PCDH15: variants seen among roughly 807,000 people sequenced by gnomAD.
The protein encoded by PCDH15 is protocadherin-15.
PCDH15 carries 129 observed loss-of-function variants against 178.5 expected under a neutral mutation model. The ratio of observed to expected loss-of-function variants is 0.72; its 90% CI spans 0.63 to 0.84. The LOEUF (loss-of-function observed/expected upper bound fraction) is 0.84. Ranked by LOEUF, PCDH15 falls within the 40% of genes least tolerant of loss-of-function variation. The pLI, the probability that PCDH15 is intolerant of heterozygous loss-of-function variation, is 0.00. For missense variants in PCDH15, 2,230 were observed against 2,099.9 expected (o/e 1.06, Z -1.21); for synonymous variants, 800 against 732.0 (o/e 1.09, Z -1.50).
At chr10:54,429,841 AATATT>A (rs1956752241) in intron 3 of PCDH15, among the ~76,000 whole-genome samples, 1 of 152,132 alleles carries the variant, frequency 6.6e-6, no homozygotes, top group Non-Finnish European at 1.5e-5. Context: ...ATACCAAGCA[AATATT>A]ATTAGCGATA....
chr10:54,128,014 G>C (rs2042121732), intron 15 of PCDH15, among the ~76,000 whole-genome samples: 1 of 152,124 alleles, frequency 6.6e-6, no homozygotes, highest in Non-Finnish European at 1.5e-5. Context: ...ACATGTTCTT[G>C]TCTTTTTTCC....
chr10:55,216,263 T>C (rs1205090883), intron 1 of PCDH15, among the ~76,000 whole-genome samples: 1 of 152,016 alleles, frequency 6.6e-6, no homozygotes, highest in Non-Finnish European at 1.5e-5. Context: ...AATAACTAAA[T>C]GTGTGGTGGT....
intron 2 of PCDH15, among the ~76,000 whole-genome samples, chr10:54,542,819 C>T (rs1331606822): frequency 6.6e-6 from 1 of 152,112 alleles, no homozygotes; most frequent in Non-Finnish European, 1.5e-5. Context: ...TGAAGACTGG[C>T]GCTCCTGCTT....
chr10:53,812,909 C>T, intron 35 of PCDH15, among the ~76,000 whole-genome samples: 1 of 152,114 alleles, frequency 6.6e-6, no homozygotes, highest in East Asian at 1.9e-4. Context: ...AAAAAGCCCT[C>T]CTCTGAGGGC....
chr10:53,988,802 G>A lies in PCDH15; in HGVS notation c.2868+6847C>T, dbSNP rs546427522. The stretch of plus-strand genomic sequence containing the variant: ...TTGTTTAAAGTATGTTGGGACCCAG[G>A]TCCTGTGAGGTATATTCTTATTCCC... On this transcript the variant is annotated intron_variant, in intron 21 of 37. Transcript: ENST00000644397. Among the ~76,000 whole-genome samples, 42 of 151,914 alleles carry A rather than the reference G, an allele frequency of 2.8e-4. No individual in the cohort carries two copies. In the East Asian group the frequency reaches 6.8e-3, roughly 24 times the overall value.
chr10:53,874,651 T>G (rs369353627), intron 26 of PCDH15, among the ~76,000 whole-genome samples: 4 of 152,048 alleles, frequency 2.6e-5, no homozygotes, highest in African/African-American at 7.2e-5. Flanking sequence ...ATGCCTAAAA[T>G]AATTCTAACA....
intron 21 of PCDH15, among the ~76,000 whole-genome samples, chr10:53,964,900 G>T (rs559419198): frequency 6.6e-6 from 1 of 152,196 alleles, no homozygotes; most frequent in Admixed American, 6.5e-5. Flanking sequence ...GGGGCACAGT[G>T]TCATGCAATG....
At chr10:55,078,128 T>C (rs1174748373) in intron 2 of PCDH15, among the ~76,000 whole-genome samples, 1 of 152,194 alleles carries the variant, frequency 6.6e-6, no homozygotes, top group Non-Finnish European at 1.5e-5. Context: ...TTCAGCACTT[T>C]GAATATATTA....
upstream of PCDH15, among the ~76,000 whole-genome samples, chr10:54,804,015 A>G (rs1449183348): frequency 6.6e-6 from 1 of 152,192 alleles, no homozygotes; most frequent in Non-Finnish European, 1.5e-5. Context: ...AAAAGTGGTA[A>G]TAAACAAAAT....
intron 2 of PCDH15, among the ~76,000 whole-genome samples, chr10:54,545,758 T>C (rs1414645160): frequency 2.0e-5 from 3 of 152,240 alleles, no homozygotes; most frequent in African/African-American, 7.2e-5. Flanking sequence ...TAAATCATTA[T>C]GATTTAAACA....
intron 2 of PCDH15, among the ~76,000 whole-genome samples, chr10:55,054,644 A>G (rs1841251914): frequency 6.6e-6 from 1 of 151,284 alleles, no homozygotes; most frequent in Non-Finnish European, 1.5e-5. Context: ...CACTCCCACC[A>G]ACAGTATAAG....
intron 2 of PCDH15, among the ~76,000 whole-genome samples, chr10:55,479,601 AG>A (rs1290572228): frequency 1.3e-5 from 2 of 151,662 alleles, no homozygotes; most frequent in African/African-American, 4.8e-5. Context: ...TCTGAAATCT[AG>A]ACTAAGCCAA....
chr10:54,577,286 G>T (rs1211104001), intron 2 of PCDH15, among the ~76,000 whole-genome samples: 1 of 150,928 alleles, frequency 6.6e-6, no homozygotes, highest in Non-Finnish European at 1.5e-5. Flanking sequence ...TAGAGACGGG[G>T]TTTCACCATA....
chr10:54,436,605 C>A (rs573140972), intron 3 of PCDH15, among the ~76,000 whole-genome samples: 1 of 150,584 alleles, frequency 6.6e-6, no homozygotes, highest in African/African-American at 2.5e-5. Flanking sequence ...GAAATTTGTT[C>A]ATTTAATTGA....
intron 1 of PCDH15, among the ~76,000 whole-genome samples, chr10:54,763,249 C>T (rs970854327): frequency 6.6e-6 from 1 of 152,070 alleles, no homozygotes; most frequent in African/African-American, 2.4e-5. Flanking sequence ...AATATTGGTG[C>T]ACTACAACAG....
rs539290968 is a variant in PCDH15 at position 54,114,991 on chromosome 10, AGTATTATTCT to A, written c.1917+17874_1917+17883del. 4.5e-3 allele frequency among the ~76,000 whole-genome samples: 692 copies of A among 152,302 alleles called. 1 individual carries two copies. The highest frequency in any genetic ancestry group is 6.4e-3 in the Non-Finnish European group (437 of 68,028). On this transcript the variant is annotated intron_variant, in intron 15 of 37. Coordinates refer to ENST00000644397, the MANE Select transcript of PCDH15 (RefSeq NM_001384140.1). Reference sequence around the variant, plus strand: ...GTCATTTTAGGTAATTTTTTTAAAAAGTATTATTCTGTTGCCTGCAACTGACCACAAAAGG... The same window carrying A: ...GTCATTTTAGGTAATTTTTTTAAAAAGTTGCCTGCAACTGACCACAAAAGG...
intron 2 of PCDH15, among the ~76,000 whole-genome samples, chr10:55,061,001 C>T (rs1482480123): frequency 6.6e-6 from 1 of 151,846 alleles, no homozygotes; most frequent in African/African-American, 2.4e-5. Context: ...GAGAAATTCT[C>T]GATAACTTTG....
chr10:54,223,203 G>C (rs886974658), intron 9 of PCDH15, among the ~76,000 whole-genome samples: 1 of 150,736 alleles, frequency 6.6e-6, no homozygotes, highest in South Asian at 2.1e-4. Context: ...CTAGGTACTC[G>C]AGAGGCTGAG....
rs150768504 is a variant in PCDH15, at chr10:54,234,453, T to C, written c.985+2370A>G. On this transcript the variant is annotated intron_variant, in intron 9 of 37. Coordinates refer to ENST00000644397, the MANE Select transcript of PCDH15 (RefSeq NM_001384140.1). ...CTGTAATCCCAGAACTTAGGGAGGC[T>C]AAGGTGGGAGGATCGCTTGAACCCA... Among the ~76,000 whole-genome samples, 454 of 152,158 alleles carry C rather than the reference T, an allele frequency of 3.0e-3. 3 individuals carry two copies. The highest frequency in any genetic ancestry group is 0.011 in the African/African-American group (445 of 41,522).
Sources: allele counts gnomAD v4.1 joint callset (sites outside exome capture counted in the v4.1 genomes callset), GRCh38; gene constraint gnomAD v4.1.1; transcripts MANE v1.5; gene names NCBI Gene and HGNC (gene_info 2026-07-23, HGNC 2026-07-21).